ST6GALNAC5: variants seen among roughly 807,000 people sequenced by gnomAD.
ST6GALNAC5 encodes alpha-N-acetylgalactosaminide alpha-2,6-sialyltransferase 5.
ST6GALNAC5 carries 27 observed loss-of-function variants against 33.6 expected under a neutral mutation model. That is an observed-to-expected ratio of 0.80 (90% CI 0.59 to 1.11). ST6GALNAC5 has a LOEUF of 1.11. ST6GALNAC5 is among the 50% of genes least tolerant of loss of function. The pLI, the probability that ST6GALNAC5 is intolerant of heterozygous loss-of-function variation, is 0.00. For synonymous variants in ST6GALNAC5, 194 were observed against 171.2 expected (o/e 1.13, Z -1.04); for missense variants, 428 against 454.0 (o/e 0.94, Z 0.52).
chr1:77,014,859 A>G (rs955099910), intron 2 of ST6GALNAC5, among the ~76,000 whole-genome samples: 1 of 152,236 alleles, frequency 6.6e-6, no homozygotes, highest in African/African-American at 2.4e-5. Context: ...GGATTTGCAA[A>G]GTGGAAAGAG....
chr1:76,916,737 G>A (rs1384052693), intron 2 of ST6GALNAC5, among the ~76,000 whole-genome samples: 1 of 151,994 alleles, frequency 6.6e-6, no homozygotes, highest in Non-Finnish European at 1.5e-5. Flanking sequence ...TATAGAATAT[G>A]AGATTTTTGT....
At chr1:76,878,043 C>G (rs1180648956) in intron 2 of ST6GALNAC5, among the ~76,000 whole-genome samples, 2 of 152,170 alleles carry the variant, frequency 1.3e-5, no homozygotes, top group Admixed American at 6.5e-5. Flanking sequence ...TGTCATTCTC[C>G]AAGATCCATC....
At chr1:76,872,140 TACTC>T (rs1653524752) in intron 2 of ST6GALNAC5, among the ~76,000 whole-genome samples, 1 of 144,886 alleles carries the variant, frequency 6.9e-6, no homozygotes, top group Non-Finnish European at 1.5e-5. Flanking sequence ...AATCAAGAAA[TACTC>T]AGAGGAAAGC....
At chr1:76,911,113 TC>T (rs1343285246) in intron 2 of ST6GALNAC5, among the ~76,000 whole-genome samples, 1 of 152,166 alleles carries the variant, frequency 6.6e-6, no homozygotes, top group Non-Finnish European at 1.5e-5. Flanking sequence ...TTATAAAACT[TC>T]CCATCAATAC....
At chr1:76,927,696 A>T (rs1647099422) in intron 2 of ST6GALNAC5, among the ~76,000 whole-genome samples, 1 of 152,016 alleles carries the variant, frequency 6.6e-6, no homozygotes, top group Non-Finnish European at 1.5e-5. Context: ...TTTTAATGGG[A>T]CATGAGGTCT....
intron 2 of ST6GALNAC5, among the ~76,000 whole-genome samples, chr1:76,997,098 A>G (rs1209322233): frequency 6.6e-6 from 1 of 152,248 alleles, no homozygotes; most frequent in Admixed American, 6.5e-5. Context: ...GTGAGGTCTC[A>G]CCAAGTGCAG....
rs1570153692 is a variant in ST6GALNAC5 at position 77,063,069 on chromosome 1, G to A, written c.874G>A (p.Gly292Ser). The A allele has an allele frequency of 6.2e-7, 1 of 1,613,908 alleles. No individual in the cohort carries two copies. Among genetic ancestry groups the A allele is most frequent in the Non-Finnish European group, 8.5e-7 (1 of 1,179,906 alleles). The change falls in exon 5 of 5, where the codon GGC becomes AGC. Residue 292 changes from glycine to serine, a missense_variant. Gly to Ser is a moderately conservative substitution (Grantham distance 56, BLOSUM62 0). Transcript: ENST00000477717. The part of the protein sequence containing the change: ...MYLSHERGRK[G>S]SHHRFITEKR... ...CCTCTCCCATGAGCGAGGACGCAAGGGCAGTCATCACCGCTTTATCACAGA... is the reference window on the plus strand; with the variant it reads ...CCTCTCCCATGAGCGAGGACGCAAGAGCAGTCATCACCGCTTTATCACAGA...
At chr1:77,013,865 A>C (rs1650730223) in intron 2 of ST6GALNAC5, among the ~76,000 whole-genome samples, 1 of 152,196 alleles carries the variant, frequency 6.6e-6, no homozygotes, top group Admixed American at 6.5e-5. Context: ...TAATTATTCA[A>C]TCAACGATTT....
At chr1:76,876,064 G>A (rs1397308215) in intron 2 of ST6GALNAC5, among the ~76,000 whole-genome samples, 1 of 152,232 alleles carries the variant, frequency 6.6e-6, no homozygotes. Context: ...TCCACGGAAG[G>A]TAGTCTTGGC....
intron 2 of ST6GALNAC5, among the ~76,000 whole-genome samples, chr1:76,948,201 C>G (rs1464143928): frequency 6.6e-6 from 1 of 152,102 alleles, no homozygotes; most frequent in African/African-American, 2.4e-5. Context: ...CCTTGTGAAA[C>G]CCCCCACCTT....
At chr1:76,987,881 G>A (rs1351294362) in intron 2 of ST6GALNAC5, among the ~76,000 whole-genome samples, 2 of 152,098 alleles carry the variant, frequency 1.3e-5, no homozygotes, top group African/African-American at 4.8e-5. Context: ...GAACTTCCCA[G>A]TGTTCTTAGA....
At chr1:76,875,963 A>G (rs374980825) in intron 2 of ST6GALNAC5, among the ~76,000 whole-genome samples, 12 of 152,318 alleles carry the variant, frequency 7.9e-5, no homozygotes, top group East Asian at 3.9e-4. Context: ...GCATGAGCCC[A>G]CTGCCACACT....
chr1:76,944,500 A>T lies in ST6GALNAC5; in HGVS notation c.261+75758A>T, dbSNP rs1647443223. Reference sequence around the variant, plus strand: ...AATCCCCCTAATTATTTATTCTGCAACTTCTCCCCCAACAAGTATGTAAGC... The same window carrying T: ...AATCCCCCTAATTATTTATTCTGCATCTTCTCCCCCAACAAGTATGTAAGC... On this transcript the variant is annotated intron_variant, in intron 2 of 4. Coordinates refer to ENST00000477717, the MANE Select transcript of ST6GALNAC5 (RefSeq NM_030965.3). 1.3e-5 allele frequency among the ~76,000 whole-genome samples: 2 copies of T among 151,996 alleles called. 1 individual carries two copies. The highest frequency in any genetic ancestry group is 4.2e-4 in the South Asian group (2 of 4,814).
At chr1:76,958,871 C>T (rs1648112198) in intron 2 of ST6GALNAC5, among the ~76,000 whole-genome samples, 1 of 152,162 alleles carries the variant, frequency 6.6e-6, no homozygotes. Context: ...AGCCTCCTCC[C>T]TTTGTGCCCC....
chr1:76,876,484 C>T (rs1408486381), intron 2 of ST6GALNAC5, among the ~76,000 whole-genome samples: 1 of 152,204 alleles, frequency 6.6e-6, no homozygotes, highest in Admixed American at 6.5e-5. Flanking sequence ...AACACTCACA[C>T]GGGATACAAA....
chr1:76,977,440 C>G (rs1048182178), intron 2 of ST6GALNAC5, among the ~76,000 whole-genome samples: 1 of 152,090 alleles, frequency 6.6e-6, no homozygotes, highest in African/African-American at 2.4e-5. Flanking sequence ...TAACTTTGTA[C>G]CCACTGACCA....
At chr1:76,922,807 G>A (rs781429351) in intron 2 of ST6GALNAC5, among the ~76,000 whole-genome samples, 5 of 151,782 alleles carry the variant, frequency 3.3e-5, no homozygotes, top group South Asian at 2.1e-4. Context: ...ATGGTGACAC[G>A]CACCTGTGGT....
At chr1:77,037,640 C>A (rs1651694876) in intron 2 of ST6GALNAC5, among the ~76,000 whole-genome samples, 1 of 152,074 alleles carries the variant, frequency 6.6e-6, no homozygotes, top group East Asian at 1.9e-4. Context: ...ATAGTAAGAT[C>A]TAAGCAGGTG....
At chr1:76,973,235 T>C (rs1648834843) in intron 2 of ST6GALNAC5, among the ~76,000 whole-genome samples, 1 of 151,818 alleles carries the variant, frequency 6.6e-6, no homozygotes, top group African/African-American at 2.4e-5. Context: ...CAATAAGATA[T>C]ATATAATTAT....
Sources: gnomAD v4.1 joint callset for allele counts (sites outside exome capture counted in the v4.1 genomes callset) on GRCh38, gnomAD v4.1.1 for gene constraint, MANE v1.5 for transcripts, NCBI Gene and HGNC (gene_info 2026-07-23, HGNC 2026-07-21) for gene names.